The following KIF26B variants were observed in gnomAD, a reference collection of about 807,000 sequenced individuals.
KIF26B encodes kinesin family member 26B, also known as kinesin-like protein KIF26B.
KIF26B carries 63 observed loss-of-function variants against 151.2 expected under a neutral mutation model. The ratio of observed to expected loss-of-function variants is 0.42; its 90% confidence interval spans 0.34 to 0.51. The LOEUF is 0.51. Among genes scored for constraint, KIF26B ranks in the 20% least tolerant of loss-of-function variants. KIF26B has a pLI of 0.07. For synonymous variants in KIF26B, 1,357 were observed against 1,262.1 expected (o/e 1.08, Z -1.59); for missense variants, 2,813 against 2,913.6 (o/e 0.97, Z 0.79).
At chr1:245,284,436 C>T (rs4658739) in intron 2 of KIF26B, among the ~76,000 whole-genome samples, 72,075 of 151,772 alleles carry the variant, frequency 0.47, 17,392 homozygotes, top group East Asian at 0.65. Context: ...TTTTTGAAAA[C>T]GCAGGTGGTG....
intron 4 of KIF26B, among the ~76,000 whole-genome samples, chr1:245,452,477 C>T (rs559878780): frequency 1.0e-3 from 153 of 152,258 alleles, no homozygotes; most frequent in African/African-American, 3.4e-3. Context: ...ATTGCCGAGT[C>T]ATACAACACT....
At position 245,156,945 on chromosome 1, in the gene KIF26B, G is replaced by C. The variant is rs552327199; in HGVS notation, c.465+262G>C. Among the ~76,000 whole-genome samples the C allele has an allele frequency of 5.9e-5, 9 of 152,310 alleles. No individual in the cohort carries two copies. The East Asian group carries it at 1.7e-3, about 29-fold the overall frequency. ...CGTGGCCACAGGCCTCACGGCCCACGGGGGAGGCCCCCAGGTGGTCTCTCC... is the reference window on the plus strand; with the variant it reads ...CGTGGCCACAGGCCTCACGGCCCACCGGGGAGGCCCCCAGGTGGTCTCTCC... On this transcript the variant is annotated intron_variant, in intron 2 of 14. Transcript: ENST00000407071.
intron 2 of KIF26B, among the ~76,000 whole-genome samples, chr1:245,202,443 A>T (rs1669315974): frequency 6.6e-6 from 1 of 152,034 alleles, no homozygotes; most frequent in Admixed American, 6.6e-5. Flanking sequence ...ATTTTTCTGA[A>T]CCTCAGTTTC....
intron 10 of KIF26B, among the ~76,000 whole-genome samples, chr1:245,653,514 C>A (rs1380579462): frequency 6.6e-6 from 1 of 152,134 alleles, no homozygotes; most frequent in Non-Finnish European, 1.5e-5. Context: ...TTCATTCTGA[C>A]AACCTGTGAC....
intron 3 of KIF26B, among the ~76,000 whole-genome samples, chr1:245,414,871 C>T (rs1674378929): frequency 6.6e-6 from 1 of 152,228 alleles, no homozygotes; most frequent in Non-Finnish European, 1.5e-5. Context: ...TCCCCCAAGT[C>T]TGTCTGGTGC....
intron 2 of KIF26B, among the ~76,000 whole-genome samples, chr1:245,220,624 C>T (rs992940878): frequency 3.3e-5 from 5 of 152,058 alleles, no homozygotes; most frequent in East Asian, 1.9e-4. Context: ...GATGGGTGGG[C>T]GAGGTTGAGA....
chr1:245,236,295 C>G (rs1308314102), intron 2 of KIF26B, among the ~76,000 whole-genome samples: 4 of 152,124 alleles, frequency 2.6e-5, no homozygotes, highest in Non-Finnish European at 4.4e-5. Context: ...AAGTTCATGT[C>G]TTGGTTCTAT....
intron 2 of KIF26B, among the ~76,000 whole-genome samples, chr1:245,182,726 C>A (rs550073132): frequency 6.6e-6 from 1 of 152,274 alleles, no homozygotes; most frequent in South Asian, 2.1e-4. Context: ...ACCTCCACCT[C>A]CTGGGTTCAA....
intron 2 of KIF26B, among the ~76,000 whole-genome samples, chr1:245,337,518 A>ATGTGTGTG (rs74163041): frequency 2.1e-5 from 3 of 145,550 alleles, no homozygotes; most frequent in South Asian, 4.7e-4. Flanking sequence ...TACTTAGGAA[A>ATGTGTGTG]TGTGTGTGTG....
Position 245,688,458 on chromosome 1 carries a change from C to T in KIF26B, c.5475C>T (p.Ala1825=), listed in dbSNP as rs893612506. Residue 1825 remains alanine, a synonymous_variant, in exon 12 of 15, where the codon GCC becomes GCT. Transcript: ENST00000407071. ...GAGARGLQLR[A]GPEAEARGGA... ...GCGCCCGGGGCTTGCAGCTGCGGGC[C>T]GGGCCCGAGGCGGAGGCGCGCGGGG... The T allele has an allele frequency of 1.1e-5, 15 of 1,370,640 alleles. No homozygotes were observed. Among genetic ancestry groups the T allele is most frequent in the Non-Finnish European group, 1.4e-5 (15 of 1,073,408 alleles). 84.9% of individuals were successfully genotyped at this position (1,370,640 alleles called of 1,614,324 possible).
rs2044400945 is a variant in KIF26B, at chr1:245,679,457, G to GTGT, written c.2259-4775_2259-4774insGTT. ...GGTTTTTTGTGTTTTTTTTGTGTGT[G>GTGT]TTTTTTTTTTTTTTTTTTTTTTTTT... On this transcript the variant is annotated intron_variant, in intron 10 of 14. Transcript: ENST00000407071. Among the ~76,000 whole-genome samples the GTGT allele has an allele frequency of 3.9e-4, 23 of 59,212 alleles. 3 individuals are homozygous for GTGT. The highest frequency in any genetic ancestry group is 1.8e-3 in the Admixed American group (7 of 3,968). The allele number at this position is 59,212 out of a possible 152,430, so 38.8% of individuals were successfully genotyped here. A position where few individuals can be genotyped will look rare whatever the true frequency, so the allele number is the denominator to read the frequency against.
At position 245,688,314 on chromosome 1, in the gene KIF26B, G is replaced by A; in HGVS notation, c.5331G>A (p.Gly1777=). 1 of 1,595,062 alleles carries A rather than the reference G, an allele frequency of 6.3e-7. No individual in the cohort carries two copies. Among genetic ancestry groups the A allele is most frequent in the Non-Finnish European group, 8.5e-7 (1 of 1,177,996 alleles). ...VGQGSSSPPG[G]KHTPWSTQSL... ...AGGGCTCCAGCTCGCCCCCCGGTGGGAAGCACACGCCCTGGTCCACGCAGT... is the reference window on the plus strand; with the variant it reads ...AGGGCTCCAGCTCGCCCCCCGGTGGAAAGCACACGCCCTGGTCCACGCAGT... The change falls in exon 12 of 15, where the codon GGG becomes GGA. Residue 1777 remains glycine (G), a synonymous_variant. Coordinates refer to ENST00000407071, the MANE Select transcript of KIF26B (RefSeq NM_018012.4).
intron 2 of KIF26B, among the ~76,000 whole-genome samples, chr1:245,305,911 TG>T (rs1671528663): frequency 8.4e-6 from 1 of 119,478 alleles, no homozygotes; most frequent in African/African-American, 3.3e-5. Context: ...CACTCCAGCC[TG>T]GGTGACAGAG....
At chr1:245,356,148 G>C (rs1297803767) in intron 2 of KIF26B, among the ~76,000 whole-genome samples, 1 of 152,170 alleles carries the variant, frequency 6.6e-6, no homozygotes, top group Non-Finnish European at 1.5e-5. Context: ...GGCCCTAGAG[G>C]CTTTTCTGAA....
rs2044832325 is a variant in KIF26B, at chr1:245,705,749, G to GA, written c.*3144dup. 1 of 152,180 alleles carries GA rather than the reference G, an allele frequency of 6.6e-6. No individual in the cohort carries two copies. The highest frequency in any genetic ancestry group is 6.5e-5 in the Admixed American group (1 of 15,276). The allele number at this position is 152,180 out of a possible 1,614,324, so 9.4% of individuals were successfully genotyped here. A position where few individuals can be genotyped will look rare whatever the true frequency, so the allele number is the denominator to read the frequency against. On this transcript the variant is annotated 3_prime_UTR_variant, in exon 15 of 15. Coordinates refer to ENST00000407071, the MANE Select transcript of KIF26B (RefSeq NM_018012.4). Reference sequence around the variant, plus strand: ...GGCGGTGGTGCTATTGTGTCCCTGGGAGTCACTCCACGTCGCATTGCACGG... The same window carrying GA: ...GGCGGTGGTGCTATTGTGTCCCTGGGAAGTCACTCCACGTCGCATTGCACGG...
chr1:245,431,543 A>G (rs1658781733), intron 4 of KIF26B, among the ~76,000 whole-genome samples: 2 of 152,090 alleles, frequency 1.3e-5, no homozygotes, highest in South Asian at 4.1e-4. Context: ...ACAGGGTTTC[A>G]CTATGTTGGC....
rs373530206 is a variant in KIF26B at position 245,516,123 on chromosome 1, A to G, written c.1167-24644A>G. On this transcript the variant is annotated intron_variant, in intron 4 of 14. Transcript: ENST00000407071. This position sits in a 1 kb window ranked among gnomAD's most constrained non-coding sequence, Gnocchi z 4.2. ...TCACGGTGGGACTATCCAGGACTAA[A>G]GAGAATGGCACCGTATTGCTCTCTC... is the stretch of plus-strand genomic sequence containing the variant. 1.2e-3 allele frequency among the ~76,000 whole-genome samples: 180 copies of G among 152,180 alleles called. 2 individuals carry two copies. Among genetic ancestry groups the G allele is most frequent in the African/African-American group, 4.0e-3 (168 of 41,506 alleles).
In KIF26B at chr1:245,687,506, G is replaced by T; in HGVS notation, c.4523G>T (p.Arg1508Met). The T allele has an allele frequency of 6.3e-7, 1 of 1,578,608 alleles. No individual in the cohort carries two copies. Among genetic ancestry groups the T allele is most frequent in the South Asian group, 1.2e-5 (1 of 85,774 alleles). ...TCCCCGGTCACTGACAACTTCAGGA[G>T]GGTCGTGGATGGGTGTGAGATGGCC... ...SASPVTDNFR[R>M]VVDGCEMALP... is the part of the protein sequence containing the mutation. Residue 1508 changes from arginine to methionine, a missense_variant, in exon 12 of 15, where the codon AGG becomes ATG. Physicochemically the swap from Arg to Met is moderately conservative, Grantham distance 91. Around this residue, in one of 3 missense-constraint regions of KIF26B, gnomAD observed 2,060 missense variants for 2,088.6 expected, o/e 0.99. Coordinates refer to ENST00000407071, the MANE Select transcript of KIF26B (RefSeq NM_018012.4). The surrounding 1 kb of genome is among the most constrained non-coding windows in gnomAD (Gnocchi z 4.9).
In KIF26B at chr1:245,686,667, C is replaced by G; in HGVS notation, c.3684C>G (p.Pro1228=). The G allele has an allele frequency of 1.2e-6, 2 of 1,611,692 alleles. No individual in the cohort carries two copies. Among genetic ancestry groups the G allele is most frequent in the Non-Finnish European group, 8.5e-7 (1 of 1,179,142 alleles). The change falls in exon 12 of 15, where the codon CCC becomes CCG. Residue 1228 remains proline, a synonymous_variant. Coordinates refer to ENST00000407071, the MANE Select transcript of KIF26B (RefSeq NM_018012.4). The surrounding 1 kb of genome is among the most constrained non-coding windows in gnomAD (Gnocchi z 5.6). ...SARALASGSR[P]VSIISSISED... ...GGGCCCTGGCCTCGGGCTCGCGGCCCGTCAGCATCATCAGCAGCATCAGCG... is the reference window on the plus strand; with the variant it reads ...GGGCCCTGGCCTCGGGCTCGCGGCCGGTCAGCATCATCAGCAGCATCAGCG...
Sources: gnomAD v4.1 joint callset for allele counts (sites outside exome capture counted in the v4.1 genomes callset) on GRCh38, gnomAD v4.1.1 for gene constraint, gnomAD v4.1.1 regional missense constraint, Gnocchi (gnomAD v3.1) non-coding constraint, MANE v1.5 for transcripts, NCBI Gene and HGNC (gene_info 2026-07-23, HGNC 2026-07-21) for gene names.